PPFIA2: variants seen among roughly 807,000 people sequenced by gnomAD.
PPFIA2 encodes the protein liprin-alpha-2.
PPFIA2 carries 46 observed loss-of-function variants against 175.5 expected under a neutral mutation model. The observed-to-expected ratio is 0.26, with a 90% CI of 0.21 to 0.34. The LOEUF (loss-of-function observed/expected upper bound fraction) is 0.34. PPFIA2 is among the 10% of genes least tolerant of loss of function. The pLI is 1.00. For synonymous variants in PPFIA2, 568 were observed against 511.4 expected, an observed-to-expected ratio of 1.11 and a Z score of -1.49; for missense variants, 1,179 against 1,506.1, an observed-to-expected ratio of 0.78 and a Z score of 3.60.
At position 81,277,330 on chromosome 12, in the gene PPFIA2, T is replaced by C. The variant is rs1354378103; in HGVS notation, c.3297A>G (p.Gln1099=). 1 of 1,565,894 alleles carries C rather than the reference T, an allele frequency of 6.4e-7. No individual in the cohort carries two copies. Among genetic ancestry groups the C allele is most frequent in the Admixed American group, 1.9e-5 (1 of 53,074 alleles). Residue 1099 remains glutamine (Q), a synonymous_variant, in exon 28 of 33, where the codon CAA becomes CAG. Coordinates refer to ENST00000549396, the MANE Select transcript of PPFIA2 (RefSeq NM_003625.5). ...AAGATATATTACCTTTTATTTCATG[T>C]TGGCTTGCTTCCCGTCTTCTTTCTA... ...KELERRREAS[Q]HEIKDVLVWS...
At chr12:81,379,595 C>T (rs1006101994) in intron 9 of PPFIA2, among the ~76,000 whole-genome samples, 10 of 152,060 alleles carry the variant, frequency 6.6e-5, no homozygotes, top group Admixed American at 3.9e-4. Flanking sequence ...AATTAATAAT[C>T]CTTTTGATTA....
At chr12:81,271,937 T>C (rs1174935958) in intron 28 of PPFIA2, among the ~76,000 whole-genome samples, 2 of 152,176 alleles carry the variant, frequency 1.3e-5, no homozygotes, top group Non-Finnish European at 2.9e-5. Flanking sequence ...TCTGGTGAAA[T>C]AGTCTCTCAG....
chr12:81,263,782 C>A (rs1026155893), intron 30 of PPFIA2, among the ~76,000 whole-genome samples: 1 of 152,166 alleles, frequency 6.6e-6, no homozygotes, highest in Non-Finnish European at 1.5e-5. Flanking sequence ...CTACATTTAA[C>A]TCACACACTT....
intron 27 of PPFIA2, among the ~76,000 whole-genome samples, chr12:81,278,207 G>T (rs2041065471): frequency 6.6e-6 from 1 of 152,138 alleles, no homozygotes; most frequent in Non-Finnish European, 1.5e-5. Context: ...AATTGATACA[G>T]AATTATTGGA....
chr12:81,469,322 G>A (rs2056316217), intron 4 of PPFIA2, among the ~76,000 whole-genome samples: 1 of 152,172 alleles, frequency 6.6e-6, no homozygotes, highest in African/African-American at 2.4e-5. Flanking sequence ...GAGAGCCTGT[G>A]AAATTTTTCA....
intron 22 of PPFIA2, among the ~76,000 whole-genome samples, chr12:81,313,035 A>G (rs1327012574): frequency 6.6e-6 from 1 of 152,096 alleles, no homozygotes; most frequent in Non-Finnish European, 1.5e-5. Context: ...GTTTTTGGGG[A>G]AACATCCATA....
At chr12:81,562,105 C>T (rs1246880377) in intron 4 of PPFIA2, among the ~76,000 whole-genome samples, 4 of 151,998 alleles carry the variant, frequency 2.6e-5, no homozygotes, top group African/African-American at 7.2e-5. Context: ...AAAGATAGGC[C>T]TTTATGTTTT....
intron 3 of PPFIA2, among the ~76,000 whole-genome samples, chr12:81,695,462 C>T (rs1351186799): frequency 6.6e-6 from 1 of 152,068 alleles, no homozygotes; most frequent in Non-Finnish European, 1.5e-5. Flanking sequence ...GCCTGTTCCC[C>T]CTTCACCTTC....
chr12:81,566,921 T>C (rs2071446249), intron 4 of PPFIA2, among the ~76,000 whole-genome samples: 1 of 152,218 alleles, frequency 6.6e-6, no homozygotes, highest in Admixed American at 6.5e-5. Context: ...GTAAGAAATG[T>C]TTTATGGTAT....
chr12:81,328,707 T>G (rs143333335), intron 21 of PPFIA2, among the ~76,000 whole-genome samples: 149 of 152,260 alleles, frequency 9.8e-4, no homozygotes, highest in African/African-American at 3.5e-3. Flanking sequence ...GGGTGCATTT[T>G]TTTGGGTATT....
intron 4 of PPFIA2, among the ~76,000 whole-genome samples, chr12:81,494,182 G>A (rs889518265): frequency 7.9e-5 from 12 of 151,768 alleles, no homozygotes; most frequent in African/African-American, 2.4e-4. Context: ...AAAAATTTTC[G>A]CAACCTACTC....
intron 4 of PPFIA2, among the ~76,000 whole-genome samples, chr12:81,497,875 C>A (rs1290103329): frequency 6.6e-6 from 1 of 152,024 alleles, no homozygotes; most frequent in Non-Finnish European, 1.5e-5. Context: ...GAAATATAAC[C>A]TAAGTTCTAG....
At chr12:81,598,766 A>G (rs2178686) in intron 4 of PPFIA2, among the ~76,000 whole-genome samples, 107,792 of 151,652 alleles carry the variant, frequency 0.71, 38,452 homozygotes, top group East Asian at 0.78. Flanking sequence ...TAGGAGTACT[A>G]TCAAATAAAA....
At chr12:81,301,293 C>A (rs925790911) in intron 22 of PPFIA2, among the ~76,000 whole-genome samples, 2 of 152,030 alleles carry the variant, frequency 1.3e-5, no homozygotes, top group Non-Finnish European at 2.9e-5. Context: ...GGGAAAGCGA[C>A]ACTTCTAGTT....
At chr12:81,431,096 C>T (rs948933900) in intron 7 of PPFIA2, 1 of 152,212 alleles carries the variant, frequency 6.6e-6, no homozygotes, top group Non-Finnish European at 1.5e-5. Context: ...TGCAACTACA[C>T]TTGCCAGTTC....
intron 3 of PPFIA2, among the ~76,000 whole-genome samples, chr12:81,712,938 C>T (rs368761855): frequency 1.7e-4 from 26 of 151,084 alleles, no homozygotes; most frequent in East Asian, 1.4e-3. Context: ...TGAAAGCTTG[C>T]TTTATTTTAT....
At chr12:81,469,020 C>G (rs1239265101) in intron 4 of PPFIA2, among the ~76,000 whole-genome samples, 3 of 152,136 alleles carry the variant, frequency 2.0e-5, no homozygotes, top group Non-Finnish European at 4.4e-5. Context: ...TTGTAGTTGT[C>G]TGGCAATAGA....
intron 3 of PPFIA2, among the ~76,000 whole-genome samples, chr12:81,715,952 T>C (rs112404975): frequency 6.6e-6 from 1 of 151,636 alleles, no homozygotes; most frequent in African/African-American, 2.4e-5. Context: ...ATTAAAAACT[T>C]TAATTAGAAC....
intron 22 of PPFIA2, chr12:81,302,187 T>C: frequency 2.4e-6 from 1 of 420,336 alleles, no homozygotes; most frequent in African/African-American, 2.1e-5. Flanking sequence ...TATTTTACCT[T>C]ATAACCATGT....
Sources: allele counts gnomAD v4.1 joint callset (sites outside exome capture counted in the v4.1 genomes callset), GRCh38; gene constraint gnomAD v4.1.1; transcripts MANE v1.5; gene names NCBI Gene and HGNC (gene_info 2026-07-23, HGNC 2026-07-21).